The following PXDNL variants were observed in gnomAD, a reference collection of about 807,000 sequenced individuals.
PXDNL encodes peroxidasin like, also known as probable oxidoreductase PXDNL.
Under a neutral mutation model 150.8 loss-of-function variants are expected in PXDNL, and 145 were observed. That is an observed-to-expected ratio of 0.96 (90% CI 0.84 to 1.10). The LOEUF is 1.10. PXDNL is among the 50% of genes least tolerant of loss of function. The pLI, the probability that PXDNL is intolerant of heterozygous loss-of-function variation, is 0.00. For missense variants in PXDNL, 2,087 were observed against 1,873.9 expected (o/e 1.11, Z -2.10); for synonymous variants, 757 against 725.7 (o/e 1.04, Z -0.69).
chr8:51,555,576 T>A (rs1192514107), intron 4 of PXDNL, among the ~76,000 whole-genome samples: 2 of 152,204 alleles, frequency 1.3e-5, no homozygotes, highest in Non-Finnish European at 2.9e-5. Flanking sequence ...TAACCATATT[T>A]ATTATAGAAA....
intron 2 of PXDNL, among the ~76,000 whole-genome samples, chr8:51,597,509 C>T (rs1056614964): frequency 3.3e-5 from 5 of 152,172 alleles, no homozygotes; most frequent in Admixed American, 2.6e-4. Flanking sequence ...TCCATTTTAG[C>T]GGATATTGAT....
intron 8 of PXDNL, among the ~76,000 whole-genome samples, chr8:51,462,343 G>A (rs1810102555): frequency 6.6e-6 from 1 of 152,162 alleles, no homozygotes; most frequent in Non-Finnish European, 1.5e-5. Flanking sequence ...TTCAGAATCT[G>A]GATGGCAAGG....
intron 4 of PXDNL, among the ~76,000 whole-genome samples, chr8:51,537,611 C>T (rs1232022934): frequency 1.3e-5 from 2 of 152,152 alleles, no homozygotes; most frequent in Non-Finnish European, 2.9e-5. Context: ...CTCCACTGAC[C>T]TATTTCTCAG....
In PXDNL at chr8:51,486,458, T is replaced by C. The variant is rs188721307; in HGVS notation, c.453-2744A>G. Among the ~76,000 whole-genome samples, 240 of 152,062 alleles carry C rather than the reference T, an allele frequency of 1.6e-3. 1 individual carries two copies. The highest frequency in any genetic ancestry group is 0.013 in the Admixed American group (205 of 15,266). On this transcript the variant is annotated intron_variant, in intron 5 of 22. Coordinates refer to ENST00000356297, the MANE Select transcript of PXDNL (RefSeq NM_144651.5). ...ATTAATCTAAGTCTCAGTCCCTTTA[T>C]GTATAAAGGAAAAATTATGATAATA...
At chr8:51,760,959 C>T (rs1349343160) in intron 1 of PXDNL, among the ~76,000 whole-genome samples, 14 of 145,086 alleles carry the variant, frequency 9.6e-5, no homozygotes, top group Non-Finnish European at 1.6e-4. Context: ...CCCGGGTTCA[C>T]GCCATTCTCC....
At chr8:51,780,654 C>CTTTTTTTTTTTTTTTTTTTTTTT (rs71237240) in intron 1 of PXDNL, among the ~76,000 whole-genome samples, 4 of 75,176 alleles carry the variant, frequency 5.3e-5, no homozygotes, top group Admixed American at 1.7e-4. Flanking sequence ...CTTTTCTTTT[C>CTTTTTTTTTTTTTTTTTTTTTTT]TTTTTTTTTT....
At chr8:51,726,506 T>C (rs981667339) in intron 1 of PXDNL, among the ~76,000 whole-genome samples, 1 of 152,260 alleles carries the variant, frequency 6.6e-6, no homozygotes, top group Non-Finnish European at 1.5e-5. Context: ...GACGTGACTA[T>C]GCAAACACAC....
intron 1 of PXDNL, among the ~76,000 whole-genome samples, chr8:51,734,488 A>G (rs1224580916): frequency 6.6e-6 from 1 of 152,210 alleles, no homozygotes; most frequent in Non-Finnish European, 1.5e-5. Context: ...AATAATCTCT[A>G]ACTCTTTAGG....
At chr8:51,612,942 T>C (rs896436938) in intron 2 of PXDNL, among the ~76,000 whole-genome samples, 1 of 152,204 alleles carries the variant, frequency 6.6e-6, no homozygotes, top group Non-Finnish European at 1.5e-5. Flanking sequence ...AACTAAATTA[T>C]CTTCAGAATG....
intron 13 of PXDNL, among the ~76,000 whole-genome samples, chr8:51,426,435 C>T (rs1809100350): frequency 6.6e-6 from 1 of 151,400 alleles, no homozygotes; most frequent in Non-Finnish European, 1.5e-5. Context: ...AAGGATAAAC[C>T]TTATCAAAAC....
chr8:51,778,499 G>C (rs528967575), intron 1 of PXDNL, among the ~76,000 whole-genome samples: 7 of 152,178 alleles, frequency 4.6e-5, no homozygotes, highest in Admixed American at 6.5e-5. Context: ...GACATAATTC[G>C]CTAATAGAGT....
intron 1 of PXDNL, among the ~76,000 whole-genome samples, chr8:51,661,957 C>G (rs2130813801): frequency 6.6e-6 from 1 of 151,870 alleles, no homozygotes; most frequent in East Asian, 1.9e-4. Flanking sequence ...AGAAGACACT[C>G]AAACAACTTT....
At chr8:51,488,062 C>A (rs761459627) in intron 5 of PXDNL, among the ~76,000 whole-genome samples, 3 of 151,934 alleles carry the variant, frequency 2.0e-5, no homozygotes, top group Non-Finnish European at 2.9e-5. Flanking sequence ...TTCAAAGTTC[C>A]GGGGAAAAGA....
chr8:51,545,727 C>T (rs1349799675), intron 4 of PXDNL, among the ~76,000 whole-genome samples: 1 of 152,166 alleles, frequency 6.6e-6, no homozygotes, highest in African/African-American at 2.4e-5. Flanking sequence ...GGAACTCACC[C>T]CCACAGTAAT....
chr8:51,555,494 A>T (rs947820800), intron 4 of PXDNL, among the ~76,000 whole-genome samples: 1 of 152,174 alleles, frequency 6.6e-6, no homozygotes, highest in African/African-American at 2.4e-5. Flanking sequence ...AATTTTTTTG[A>T]TTGGTTGACT....
chr8:51,378,986 C>T (rs1335287511), intron 17 of PXDNL, among the ~76,000 whole-genome samples: 1 of 152,186 alleles, frequency 6.6e-6, no homozygotes, highest in Admixed American at 6.5e-5. Flanking sequence ...ACAATCACAG[C>T]TCACTGTAGC....
chr8:51,533,542 G>A (rs367735374), intron 4 of PXDNL, among the ~76,000 whole-genome samples: 4,479 of 124,070 alleles, frequency 0.036, 116 homozygotes, highest in South Asian at 0.081. Context: ...CTCTGATGCC[G>A]AGCCAAAGCT....
In PXDNL at chr8:51,426,650, T is replaced by C; in HGVS notation, c.1634A>G (p.Asn545Ser). 9.6e-6 allele frequency: 15 copies of C among 1,561,784 alleles called. No homozygotes were observed. Among genetic ancestry groups the C allele is most frequent in the Non-Finnish European group, 1.3e-5 (15 of 1,136,242 alleles). Residue 545 changes from asparagine (N) to serine (S), a missense_variant, in exon 13 of 23, where the codon AAT becomes AGT. Coordinates refer to ENST00000356297, the MANE Select transcript of PXDNL (RefSeq NM_144651.5). ...QGEPQPIITWNKEGVQITESG... is the reference protein window; with the variant it reads ...QGEPQPIITWSKEGVQITESG... Reference sequence around the variant, plus strand: ...TACTTTTAGTTGAGATCTTACCTTATTCCAAGTAATTATGGGCTGTGGTTC... The same window carrying C: ...TACTTTTAGTTGAGATCTTACCTTACTCCAAGTAATTATGGGCTGTGGTTC...
At chr8:51,471,007 C>A (rs962066648) in intron 8 of PXDNL, among the ~76,000 whole-genome samples, 13 of 147,258 alleles carry the variant, frequency 8.8e-5, no homozygotes, top group Admixed American at 2.7e-4. Flanking sequence ...AACTAAAGAG[C>A]TTCTGCACAG....
Sources: allele counts gnomAD v4.1 joint callset (sites outside exome capture counted in the v4.1 genomes callset), GRCh38; gene constraint gnomAD v4.1.1; transcripts MANE v1.5; gene names NCBI Gene and HGNC (gene_info 2026-07-23, HGNC 2026-07-21).